Variants in CALN1 observed in about 807,000 individuals in gnomAD.
The protein encoded by CALN1 is calcium-binding protein 8.
A neutral mutation model predicts 30.6 loss-of-function variants in CALN1; 17 were observed. The ratio of observed to expected loss-of-function variants is 0.56; its 90% CI spans 0.38 to 0.83. The LOEUF is 0.83. Ranked by LOEUF, CALN1 falls within the 40% of genes least tolerant of loss-of-function variation. The pLI, the probability that CALN1 is intolerant of heterozygous loss-of-function variation, is 0.00. For missense variants in CALN1, 291 were observed against 354.9 expected (o/e 0.82, Z 1.45); for synonymous variants, 156 against 131.4 (o/e 1.19, Z -1.28).
intron 3 of CALN1, among the ~76,000 whole-genome samples, chr7:72,194,901 A>G (rs915757097): frequency 1.3e-5 from 2 of 151,502 alleles, no homozygotes; most frequent in Non-Finnish European, 1.5e-5. Flanking sequence ...CCTCCCCTCT[A>G]TTCTGTCCTC....
At chr7:72,101,236 C>T (rs1177816846) in intron 4 of CALN1, among the ~76,000 whole-genome samples, 1 of 152,080 alleles carries the variant, frequency 6.6e-6, no homozygotes, top group African/African-American at 2.4e-5. Context: ...ATAACAGGTG[C>T]GATTGACTAG....
intron 1 of CALN1, among the ~76,000 whole-genome samples, chr7:72,411,701 C>CT (rs1807161374): frequency 6.6e-6 from 1 of 152,142 alleles, no homozygotes. Context: ...GACAGAGAAA[C>CT]TAACTGGAAG....
chr7:72,476,586 T>C, the CALN1 span, among the ~76,000 whole-genome samples: 2,555 of 152,240 alleles, frequency 0.017, 62 homozygotes, highest in African/African-American at 0.057. Context: ...CTACTAGACA[T>C]ACCCACATCA....
intron 3 of CALN1, among the ~76,000 whole-genome samples, chr7:72,230,408 G>A (rs1195630216): frequency 6.7e-6 from 1 of 150,122 alleles, no homozygotes; most frequent in Non-Finnish European, 1.5e-5. Flanking sequence ...TTGGGAGGCT[G>A]AAGTGGGAGG....
At chr7:72,300,734 G>A (rs1013186307) in intron 2 of CALN1, among the ~76,000 whole-genome samples, 6 of 152,214 alleles carry the variant, frequency 3.9e-5, no homozygotes, top group Admixed American at 3.3e-4. Flanking sequence ...GCTAATGCCT[G>A]TAATCCCAGC....
chr7:72,230,072 CA>C (rs767265115), intron 3 of CALN1, among the ~76,000 whole-genome samples: 4 of 151,766 alleles, frequency 2.6e-5, no homozygotes, highest in Non-Finnish European at 5.9e-5. Context: ...ACCCAGGAGG[CA>C]GAGCTTGCAG....
chr7:71,944,575 T>TA (rs1208887139), intron 5 of CALN1, among the ~76,000 whole-genome samples: 1 of 20,740 alleles, frequency 4.8e-5, no homozygotes, highest in Non-Finnish European at 9.8e-5. Context: ...GCCTGGGCAA[T>TA]AAGAGTAAAA....
intron 5 of CALN1, among the ~76,000 whole-genome samples, chr7:71,857,249 C>T (rs1791011537): frequency 6.6e-6 from 1 of 152,042 alleles, no homozygotes; most frequent in African/African-American, 2.4e-5. Flanking sequence ...ATTTTGGTGC[C>T]TCCATATTCT....
chr7:71,798,117 CAGAGACAGAG>C (rs1562787932), intron 6 of CALN1, among the ~76,000 whole-genome samples: 2,029 of 60,848 alleles, frequency 0.033, 12 homozygotes, highest in East Asian at 0.082. Flanking sequence ...GAGACAGAGA[CAGAGACAGAG>C]AGAGAGAGAG....
chr7:72,145,620 A>G (rs954404482), intron 3 of CALN1, among the ~76,000 whole-genome samples: 38 of 152,244 alleles, frequency 2.5e-4, no homozygotes, highest in Non-Finnish European at 4.3e-4. Flanking sequence ...AACTCATTTT[A>G]TGAAGCCAGC....
At chr7:71,989,622 C>A (rs1337576904) in intron 5 of CALN1, among the ~76,000 whole-genome samples, 1 of 152,086 alleles carries the variant, frequency 6.6e-6, no homozygotes, top group East Asian at 1.9e-4. Context: ...AGATAGATAA[C>A]CTTTGCACTT....
chr7:72,193,586 TG>T (rs896557949), intron 3 of CALN1, among the ~76,000 whole-genome samples: 6 of 152,290 alleles, frequency 3.9e-5, no homozygotes, highest in Admixed American at 2.0e-4. Flanking sequence ...ACTACACATG[TG>T]GGCTAGACGG....
At chr7:72,238,024 T>C (rs1459856016) in intron 3 of CALN1, among the ~76,000 whole-genome samples, 7 of 152,186 alleles carry the variant, frequency 4.6e-5, no homozygotes, top group Non-Finnish European at 8.8e-5. Flanking sequence ...ATTCAGAAGC[T>C]TGTGAAGGTA....
chr7:72,366,791 A>G (rs1227253700), intron 2 of CALN1, among the ~76,000 whole-genome samples: 3 of 151,454 alleles, frequency 2.0e-5, no homozygotes, highest in Non-Finnish European at 4.4e-5. Flanking sequence ...AATTGCATGT[A>G]TATGACCTGG....
At chr7:72,245,060 C>A (rs1795069635) in intron 3 of CALN1, among the ~76,000 whole-genome samples, 1 of 152,132 alleles carries the variant, frequency 6.6e-6, no homozygotes, top group African/African-American at 2.4e-5. Flanking sequence ...TGCTCCATCC[C>A]AAAACATCGT....
chr7:71,824,764 C>T (rs1044612191), intron 5 of CALN1, among the ~76,000 whole-genome samples: 1 of 152,164 alleles, frequency 6.6e-6, no homozygotes. Context: ...CTGCAAAAGG[C>T]ATTTTCCTGC....
intron 5 of CALN1, among the ~76,000 whole-genome samples, chr7:71,858,296 G>A (rs1363120131): frequency 6.6e-6 from 1 of 152,008 alleles, no homozygotes; most frequent in Non-Finnish European, 1.5e-5. Context: ...GTTTCCTGAG[G>A]CCTCCCCAGC....
intron 5 of CALN1, among the ~76,000 whole-genome samples, chr7:71,873,144 C>T (rs1258064346): frequency 2.6e-5 from 4 of 151,530 alleles, no homozygotes; most frequent in Non-Finnish European, 5.9e-5. Context: ...GCTAGGATTA[C>T]AGGCACCCAC....
At chr7:72,460,452 T>C in the CALN1 span, among the ~76,000 whole-genome samples, 1 of 151,592 alleles carries the variant, frequency 6.6e-6, no homozygotes, top group Non-Finnish European at 1.5e-5. Context: ...GCCAACCTGA[T>C]GAAACCCCGT....
Sources: gnomAD v4.1 joint callset for allele counts (sites outside exome capture counted in the v4.1 genomes callset) on GRCh38, gnomAD v4.1.1 for gene constraint, MANE v1.5 for transcripts, NCBI Gene and HGNC (gene_info 2026-07-23, HGNC 2026-07-21) for gene names.